The following SCAI variants were observed in gnomAD, a reference collection of about 807,000 sequenced individuals.
SCAI encodes the protein suppressor of cancer cell invasion.
Under a neutral mutation model 92.2 loss-of-function variants are expected in SCAI, and 24 were observed. The ratio of observed to expected loss-of-function variants is 0.26; its 90% CI spans 0.19 to 0.37. The LOEUF (loss-of-function observed/expected upper bound fraction) is 0.37, where lower values mean the gene tolerates loss of function less well. SCAI is among the 10% of genes least tolerant of loss of function. The pLI is 1.00. For synonymous variants in SCAI, 261 were observed against 258.6 expected (o/e 1.01, Z -0.09); for missense variants, 450 against 736.2 (o/e 0.61, Z 4.50).
intron 2 of SCAI, among the ~76,000 whole-genome samples, chr9:125,138,176 T>G (rs2131274693): frequency 6.6e-6 from 1 of 152,278 alleles, no homozygotes; most frequent in East Asian, 1.9e-4. Flanking sequence ...AACCTAAAAT[T>G]TATTGTGTAC....
At chr9:125,078,868 T>C (rs1478780169) in intron 2 of SCAI, among the ~76,000 whole-genome samples, 1 of 152,116 alleles carries the variant, frequency 6.6e-6, no homozygotes, top group Non-Finnish European at 1.5e-5. Flanking sequence ...TGTACCACTG[T>C]ACTCCAGCCT....
At chr9:125,016,127 A>G (rs1442414519) in intron 9 of SCAI, among the ~76,000 whole-genome samples, 3 of 151,450 alleles carry the variant, frequency 2.0e-5, no homozygotes, top group South Asian at 4.2e-4. Context: ...ACATGTATAC[A>G]TATGTAACTA....
chr9:125,002,464 C>T (rs1363155390), intron 11 of SCAI, among the ~76,000 whole-genome samples: 1 of 126,856 alleles, frequency 7.9e-6, no homozygotes, highest in Non-Finnish European at 1.7e-5. Flanking sequence ...GAAGCCTAGA[C>T]ACTCTGCTTT....
At chr9:125,132,852 C>CTACTCAGGA (rs1253218891) in intron 2 of SCAI, among the ~76,000 whole-genome samples, 1 of 152,144 alleles carries the variant, frequency 6.6e-6, no homozygotes, top group Non-Finnish European at 1.5e-5. Context: ...GTAATCCCAG[C>CTACTCAGGA]TACTCAGGAG....
At chr9:124,956,542 A>C (rs1831317888) in intron 17 of SCAI, among the ~76,000 whole-genome samples, 1 of 152,170 alleles carries the variant, frequency 6.6e-6, no homozygotes, top group Non-Finnish European at 1.5e-5. Flanking sequence ...AAGATCAATT[A>C]ATGTTATTCA....
intron 2 of SCAI, among the ~76,000 whole-genome samples, chr9:125,065,797 T>C (rs1234646597): frequency 2.0e-5 from 3 of 152,178 alleles, no homozygotes; most frequent in Admixed American, 1.3e-4. Flanking sequence ...ATCACTGTAA[T>C]TTATCACACA....
Position 125,107,357 on chromosome 9 carries a change from C to T in SCAI, c.98+35276G>A, listed in dbSNP as rs201437715. On this transcript the variant is annotated intron_variant, in intron 2 of 17. Transcript: ENST00000336505. ...CCAGGAGGCGGAGGTTGCAGTGAGC[C>T]GAGATCGCCCCGCTGCACTCCAGCC... Among the ~76,000 whole-genome samples, 8 of 149,802 alleles carry T rather than the reference C, an allele frequency of 5.3e-5. No homozygotes were observed. The East Asian group carries it at 1.4e-3, about 26-fold the overall frequency.
rs71374219 is a variant in SCAI, at chr9:125,032,195, A to ATTTTTTTTT, written c.231-2465_231-2457dup. Among the ~76,000 whole-genome samples, 626 of 99,366 alleles carry ATTTTTTTTT rather than the reference A, an allele frequency of 6.3e-3. 16 individuals are homozygous for ATTTTTTTTT. The highest frequency in any genetic ancestry group is 0.027 in the African/African-American group (573 of 20,942). The allele number at this position is 99,366 out of a possible 152,430, so 65.2% of individuals were successfully genotyped here. On this transcript the variant is annotated intron_variant, in intron 3 of 17. Coordinates refer to ENST00000336505, the MANE Select transcript of SCAI (RefSeq NM_001144877.3). ...AATATATATATATATATATATATAT[A>ATTTTTTTTT]TTTTTTTTTTTTTTTGAGATGGAGT...
intron 2 of SCAI, among the ~76,000 whole-genome samples, chr9:125,107,412 A>T (rs932048193): frequency 6.6e-6 from 1 of 151,744 alleles, no homozygotes; most frequent in Admixed American, 6.6e-5. Flanking sequence ...TGTCTCAAAA[A>T]AAAAAAAAAA....
chr9:125,003,167 G>A lies in SCAI; in HGVS notation c.1012C>T (p.Leu338Phe). The A allele has an allele frequency of 1.2e-6, 2 of 1,614,024 alleles. No individual in the cohort carries two copies. Among genetic ancestry groups the A allele is most frequent in the Non-Finnish European group, 1.7e-6 (2 of 1,179,904 alleles). ...TRRENPHKYLLYKPTFSQLYT... is the reference protein window; with the variant it reads ...TRRENPHKYLFYKPTFSQLYT... ...AGCTGGCTGAAGGTTGGTTTGTAGA[G>A]CAGATACTTGTGGGGGTTTTCTCGT... is the stretch of plus-strand genomic sequence containing the variant. The change falls in exon 11 of 18, where the codon CTC becomes TTC. Residue 338 changes from leucine to phenylalanine, a missense_variant. Physicochemically the swap from Leu to Phe is conservative, Grantham distance 22 (BLOSUM62 0). Around this residue, in one of 3 missense-constraint regions of SCAI, gnomAD observed 360 missense variants for 601.8 expected, o/e 0.60. Coordinates refer to ENST00000336505, the MANE Select transcript of SCAI (RefSeq NM_001144877.3).
At chr9:125,014,043 G>A (rs1427307557) in intron 9 of SCAI, among the ~76,000 whole-genome samples, 1 of 151,102 alleles carries the variant, frequency 6.6e-6, no homozygotes, top group Admixed American at 6.6e-5. Flanking sequence ...AATAATAAGA[G>A]CTATCTATGA....
chr9:125,124,414 C>T (rs1445415752), intron 2 of SCAI, among the ~76,000 whole-genome samples: 1 of 152,104 alleles, frequency 6.6e-6, no homozygotes, highest in African/African-American at 2.4e-5. Flanking sequence ...AGTTGCAGTC[C>T]AAGTCTAAAG....
At position 125,042,635 on chromosome 9, in the gene SCAI, A is replaced by G. The variant is rs78971835; in HGVS notation, c.231-12896T>C. 4.7e-3 allele frequency among the ~76,000 whole-genome samples: 120 copies of G among 25,654 alleles called. 1 individual carries two copies. Among genetic ancestry groups the G allele is most frequent in the African/African-American group, 0.044 (109 of 2,460 alleles). 16.8% of individuals were successfully genotyped at this position (25,654 alleles called of 152,430 possible). A position where few individuals can be genotyped will look rare whatever the true frequency, so the allele number is the denominator to read the frequency against. ...AGAGTATGTGTGTGTGTGTGTGTGT[A>G]CACACACACACACACACACACACAC... On this transcript the variant is annotated intron_variant, in intron 3 of 17. Coordinates refer to ENST00000336505, the MANE Select transcript of SCAI (RefSeq NM_001144877.3).
chr9:125,092,201 G>A (rs1253012147), intron 2 of SCAI, among the ~76,000 whole-genome samples: 1 of 139,582 alleles, frequency 7.2e-6, no homozygotes, highest in Non-Finnish European at 1.5e-5. Context: ...GCTCATGCCT[G>A]TAATCCCAGA....
chr9:124,964,779 C>T (rs1831506508), intron 17 of SCAI, among the ~76,000 whole-genome samples: 1 of 152,186 alleles, frequency 6.6e-6, no homozygotes, highest in Non-Finnish European at 1.5e-5. Flanking sequence ...ACAGCATCAA[C>T]GAAACTAATC....
chr9:125,010,317 C>T (rs1270105734), intron 9 of SCAI, among the ~76,000 whole-genome samples: 1 of 152,188 alleles, frequency 6.6e-6, no homozygotes, highest in African/African-American at 2.4e-5. Flanking sequence ...AAAATTGGGT[C>T]ACTTCCACCC....
chr9:124,955,572 G>A (rs1347642016), intron 17 of SCAI, among the ~76,000 whole-genome samples: 2 of 151,866 alleles, frequency 1.3e-5, no homozygotes, highest in African/African-American at 2.4e-5. Context: ...AGTGAGCTGA[G>A]AGCACGCCAC....
At chr9:125,003,089 G>A in intron 11 of SCAI, 25 bp downstream of exon 11, 2 of 1,480,236 alleles carry the variant, frequency 1.4e-6, no homozygotes, top group Non-Finnish European at 1.9e-6. Context: ...TCACCTCATA[G>A]TAAAAAGTAC....
chr9:125,055,806 C>G, intron 3 of SCAI, 70 bp downstream of exon 3: 1 of 1,363,260 alleles, frequency 7.3e-7, no homozygotes, highest in Admixed American at 2.4e-5. Context: ...CGGAAACTTA[C>G]CACACATCAG....
Sources: allele counts gnomAD v4.1 joint callset (sites outside exome capture counted in the v4.1 genomes callset), GRCh38; gene constraint gnomAD v4.1.1; regional missense constraint gnomAD v4.1.1; transcripts MANE v1.5; gene names NCBI Gene and HGNC (gene_info 2026-07-23, HGNC 2026-07-21).